Variants in PCDHGB6 observed in about 807,000 individuals in gnomAD.
The protein encoded by PCDHGB6 is protocadherin gamma-B6.
A neutral mutation model predicts 59.1 loss-of-function variants in PCDHGB6; 51 were observed. That is an observed-to-expected ratio of 0.86 (90% confidence interval 0.69 to 1.09). PCDHGB6 has a LOEUF of 1.09. PCDHGB6 is among the 50% of genes least tolerant of loss of function. PCDHGB6 has a pLI of 0.00. For synonymous variants in PCDHGB6, 466 were observed against 495.1 expected (o/e 0.94, Z 0.78); for missense variants, 1,148 against 1,205.1 (o/e 0.95, Z 0.70).
At position 141,491,834 on chromosome 5, in the gene PCDHGB6, C is replaced by T; in HGVS notation, c.2419-2973C>T. 6 of 1,473,830 alleles carry T rather than the reference C, an allele frequency of 4.1e-6. No homozygotes were observed. The highest frequency in any genetic ancestry group is 5.4e-6 in the Non-Finnish European group (6 of 1,112,366). The allele number at this position is 1,473,830 out of a possible 1,614,324, so 91.3% of individuals were successfully genotyped here. ...CGCTGGCTGCGCTCCACCCGATTCTCGGGATCATTGGACCGTTTGCGCGAA... is the reference window on the plus strand; with the variant it reads ...CGCTGGCTGCGCTCCACCCGATTCTTGGGATCATTGGACCGTTTGCGCGAA... On this transcript the variant is annotated intron_variant, in intron 1 of 3. Transcript: ENST00000520790. This position sits in a 1 kb window ranked among gnomAD's most constrained non-coding sequence, Gnocchi z 6.9.
At chr5:141,488,062 T>C (rs1488970442) in intron 1 of PCDHGB6, among the ~76,000 whole-genome samples, 1 of 152,152 alleles carries the variant, frequency 6.6e-6, no homozygotes, top group Non-Finnish European at 1.5e-5. Flanking sequence ...AAATAAAATC[T>C]TTGTCTCCCA....
chr5:141,427,494 A>G (rs1220750249), intron 1 of PCDHGB6: 1 of 560,916 alleles, frequency 1.8e-6, no homozygotes, highest in Non-Finnish European at 3.4e-6. Context: ...TAAGCTTGTA[A>G]CAGATGGGAC....
rs1004176028 is a variant in PCDHGB6 at position 141,477,025 on chromosome 5, G to A, written c.2419-17782G>A. On this transcript the variant is annotated intron_variant, in intron 1 of 3. Transcript: ENST00000520790. This position sits in a 1 kb window ranked among gnomAD's most constrained non-coding sequence, Gnocchi z 4.9. ...TCGCCTTAGACCTTGTAACCGGGATGCTGACAATCAAGGGTCGGCTGGACT... is the reference window on the plus strand; with the variant it reads ...TCGCCTTAGACCTTGTAACCGGGATACTGACAATCAAGGGTCGGCTGGACT... 10 of 1,614,146 alleles carry A rather than the reference G, an allele frequency of 6.2e-6. No homozygotes were observed. Among genetic ancestry groups the A allele is most frequent in the East Asian group, 2.2e-5 (1 of 44,888 alleles).
chr5:141,482,205 C>A (rs1478729653), intron 1 of PCDHGB6, among the ~76,000 whole-genome samples: 1 of 151,896 alleles, frequency 6.6e-6, no homozygotes, highest in Non-Finnish European at 1.5e-5. Context: ...TAAAACAGAC[C>A]AGGTACTTGT....
At chr5:141,442,403 G>A (rs1042068651) in intron 1 of PCDHGB6, 2 of 152,168 alleles carry the variant, frequency 1.3e-5, no homozygotes, top group African/African-American at 4.8e-5. Context: ...TACGAATCCA[G>A]GGCTGAGTGA....
Position 141,431,612 on chromosome 5 carries a change from G to T in PCDHGB6, c.2418+20992G>T, listed in dbSNP as rs79883194. 6.2e-7 allele frequency: 1 copy of T among 1,614,244 alleles called. No homozygotes were observed. The highest frequency in any genetic ancestry group is 2.2e-5 in the East Asian group (1 of 44,880). Reference sequence around the variant, plus strand: ...AGTGAGGTATTCCTTCCGGTATGTGGACGACAAGGCGGCCCAAGTTTTCAA... The same window carrying T: ...AGTGAGGTATTCCTTCCGGTATGTGTACGACAAGGCGGCCCAAGTTTTCAA... On this transcript the variant is annotated intron_variant, in intron 1 of 3. Transcript: ENST00000520790. The surrounding 1 kb of genome is among the most constrained non-coding windows in gnomAD (Gnocchi z 4.8).
chr5:141,453,423 C>T (rs931962019), intron 1 of PCDHGB6, among the ~76,000 whole-genome samples: 2 of 152,120 alleles, frequency 1.3e-5, no homozygotes, highest in African/African-American at 4.8e-5. Context: ...TAAGCCACCA[C>T]ACCTAGCCTA....
At chr5:141,412,163 T>G (rs1005929326) in intron 1 of PCDHGB6, 13 of 152,240 alleles carry the variant, frequency 8.5e-5, no homozygotes, top group African/African-American at 2.9e-4. Flanking sequence ...GAGAAGAGAT[T>G]ATTTATACTG....
chr5:141,416,308 T>C (rs1472911605), intron 1 of PCDHGB6: 1 of 152,266 alleles, frequency 6.6e-6, no homozygotes, highest in East Asian at 1.9e-4. Context: ...ATGTGGAAGA[T>C]ATAGCATTTT....
chr5:141,491,945 C>T lies in PCDHGB6; in HGVS notation c.2419-2862C>T. ...GAGGGGAGGTGGGACCGACCCCCAC[C>T]CCTACACTCAAAAAAGGCCGGGGCC... On this transcript the variant is annotated intron_variant, in intron 1 of 3. Coordinates refer to ENST00000520790, the MANE Select transcript of PCDHGB6 (RefSeq NM_018926.3). The surrounding 1 kb of genome is among the most constrained non-coding windows in gnomAD (Gnocchi z 6.9). 1.8e-6 allele frequency: 2 copies of T among 1,116,616 alleles called. No individual in the cohort carries two copies. 69.2% of individuals were successfully genotyped at this position (1,116,616 alleles called of 1,614,324 possible). A position where few individuals can be genotyped will look rare whatever the true frequency, so the allele number is the denominator to read the frequency against.
Position 141,432,377 on chromosome 5 carries a change from C to T in PCDHGB6, c.2418+21757C>T. 3.7e-6 allele frequency: 6 copies of T among 1,614,240 alleles called. No homozygotes were observed. Among genetic ancestry groups the T allele is most frequent in the Non-Finnish European group, 5.1e-6 (6 of 1,180,046 alleles). On this transcript the variant is annotated intron_variant, in intron 1 of 3. Transcript: ENST00000520790. This position sits in a 1 kb window ranked among gnomAD's most constrained non-coding sequence, Gnocchi z 6.0. ...AGTGATGGCGCGGGACAACGGGCAC[C>T]CGCCCCTCAGCAGCAACGTGTCGTT...
chr5:141,433,823 G>T (rs555746621), intron 1 of PCDHGB6, among the ~76,000 whole-genome samples: 2 of 144,288 alleles, frequency 1.4e-5, no homozygotes, highest in Non-Finnish European at 3.0e-5. Context: ...GGCAACAAGA[G>T]TGAAACTCTA....
rs752316565 is a variant in PCDHGB6 at position 141,487,235 on chromosome 5, C to T, written c.2419-7572C>T. On this transcript the variant is annotated intron_variant, in intron 1 of 3. Coordinates refer to ENST00000520790, the MANE Select transcript of PCDHGB6 (RefSeq NM_018926.3). This position sits in a 1 kb window ranked among gnomAD's most constrained non-coding sequence, Gnocchi z 5.0. The stretch of plus-strand genomic sequence containing the variant: ...TTCAGCTCCAAGGGAAGGAGAATCT[C>T]GTCTAACCCTCTACTTGGCTGTGTC... The T allele has an allele frequency of 2.5e-6, 4 of 1,614,126 alleles. No individual in the cohort carries two copies. Among genetic ancestry groups the T allele is most frequent in the Non-Finnish European group, 3.4e-6 (4 of 1,179,994 alleles).
chr5:141,414,684 AC>A (rs1561750824), intron 1 of PCDHGB6: 1 of 1,613,924 alleles, frequency 6.2e-7, no homozygotes, highest in Admixed American at 1.7e-5. Flanking sequence ...TCCAGGGGGT[AC>A]CTCTGTCCTC....
At chr5:141,453,786 A>G (rs2098774297) in intron 1 of PCDHGB6, among the ~76,000 whole-genome samples, 1 of 152,252 alleles carries the variant, frequency 6.6e-6, no homozygotes, top group Non-Finnish European at 1.5e-5. Flanking sequence ...TTACCATGGT[A>G]TATTAACTTT....
intron 1 of PCDHGB6, among the ~76,000 whole-genome samples, chr5:141,483,522 C>G (rs557644901): frequency 9.3e-6 from 1 of 107,172 alleles, no homozygotes; most frequent in African/African-American, 3.9e-5. Flanking sequence ...TAGATCCTGA[C>G]TAAGGAAGCT....
At position 141,482,089 on chromosome 5, in the gene PCDHGB6, CAAA is replaced by C. The variant is rs36035257; in HGVS notation, c.2419-12704_2419-12702del. 2.7e-4 allele frequency among the ~76,000 whole-genome samples: 36 copies of C among 134,496 alleles called. No individual in the cohort carries two copies. The East Asian group carries it at 3.5e-3, about 13-fold the overall frequency. The allele number at this position is 134,496 out of a possible 152,430, so 88.2% of individuals were successfully genotyped here. On this transcript the variant is annotated intron_variant, in intron 1 of 3. Coordinates refer to ENST00000520790, the MANE Select transcript of PCDHGB6 (RefSeq NM_018926.3). ...AACAAGAACAAAACTCACTCCATCTCAAAAAAAAAAAAAAAATATCTAGAGATG... is the reference window on the plus strand; with the variant it reads ...AACAAGAACAAAACTCACTCCATCTCAAAAAAAAAAAAATATCTAGAGATG...
At chr5:141,495,452 C>T (rs543717781) in intron 2 of PCDHGB6, among the ~76,000 whole-genome samples, 1 of 152,356 alleles carries the variant, frequency 6.6e-6, no homozygotes, top group Non-Finnish European at 1.5e-5. Context: ...TTGTCCTGCT[C>T]TCTGTCTGTG....
intron 2 of PCDHGB6, among the ~76,000 whole-genome samples, chr5:141,503,682 G>A (rs1430771639): frequency 1.3e-5 from 2 of 151,974 alleles, no homozygotes; most frequent in South Asian, 4.1e-4. Flanking sequence ...CTTTTGGGAA[G>A]GAGAATTGAG....
Sources: allele counts gnomAD v4.1 joint callset (sites outside exome capture counted in the v4.1 genomes callset), GRCh38; gene constraint gnomAD v4.1.1; non-coding constraint Gnocchi (gnomAD v3.1); transcripts MANE v1.5; gene names NCBI Gene and HGNC (gene_info 2026-07-23, HGNC 2026-07-21).